RASGRF1: variants seen among roughly 807,000 people sequenced by gnomAD.
The protein encoded by RASGRF1 is ras-specific guanine nucleotide-releasing factor 1.
In RASGRF1, 40 loss-of-function variants were observed where a neutral mutation model predicts 138.7. That is an observed-to-expected ratio of 0.29 (90% CI 0.22 to 0.38). The LOEUF is 0.38. Among genes scored for constraint, RASGRF1 ranks in the 10% least tolerant of loss-of-function variants. The pLI is 1.00. For missense variants in RASGRF1, 1,108 were observed against 1,650.4 expected (o/e 0.67, Z 5.69); for synonymous variants, 614 against 663.2 (o/e 0.93, Z 1.14).
In RASGRF1 at chr15:78,961,906, G is replaced by GA. The variant is rs2055550150; in HGVS notation, c.*237dup. On this transcript the variant is annotated 3_prime_UTR_variant, in exon 27 of 27. Coordinates refer to ENST00000558480, the MANE Select transcript of RASGRF1 (RefSeq NM_001145648.3). Reference sequence around the variant, plus strand: ...GAGGAGTCTAGGGAAGAGGGACCAAGAGTACAGCTGTTTAAAAGAAACAGG... The same window carrying GA: ...GAGGAGTCTAGGGAAGAGGGACCAAGAAGTACAGCTGTTTAAAAGAAACAGG... 2.1e-6 allele frequency: 1 copy of GA among 466,668 alleles called. No homozygotes were observed. Among genetic ancestry groups the GA allele is most frequent in the Non-Finnish European group, 3.9e-6 (1 of 258,122 alleles). The allele number at this position is 466,668 out of a possible 1,614,324, so 28.9% of individuals were successfully genotyped here. A position where few individuals can be genotyped will look rare whatever the true frequency, so the allele number is the denominator to read the frequency against.
intron 10 of RASGRF1, among the ~76,000 whole-genome samples, chr15:79,024,787 T>C (rs1485201605): frequency 6.6e-6 from 1 of 152,192 alleles, no homozygotes; most frequent in East Asian, 1.9e-4. Context: ...TTTTTCTTTG[T>C]AAATTACCCA....
Position 79,004,075 on chromosome 15 carries a change from G to A in RASGRF1, c.2176C>T (p.Pro726Ser), listed in dbSNP as rs2056612615. 2 of 1,614,024 alleles carry A rather than the reference G, an allele frequency of 1.2e-6. No individual in the cohort carries two copies. Among genetic ancestry groups the A allele is most frequent in the East Asian group, 2.2e-5 (1 of 44,900 alleles). Residue 726 changes from proline (P) to serine (S), a missense_variant, in exon 15 of 27, where the codon CCT becomes TCT. Physicochemically the swap from Pro to Ser is moderately conservative, Grantham distance 74 (BLOSUM62 -1). This residue lies in a region of RASGRF1 where 686 missense variants were observed against 976.7 expected (regional missense o/e 0.70). Transcript: ENST00000558480. ...GACGATGTCTTGGTGATGGACAGAG[G>A]TGGCGGCGAGGAGAACTTGCGGGTG... ...RATRKFSSPPPLSITKTSSPS... is the reference protein window; with the variant it reads ...RATRKFSSPPSLSITKTSSPS...
chr15:78,995,153 T>G (rs1211152391), intron 20 of RASGRF1, among the ~76,000 whole-genome samples: 3 of 152,110 alleles, frequency 2.0e-5, no homozygotes, highest in African/African-American at 7.2e-5. Context: ...GATCTTGAAC[T>G]CCTGACCTTA....
intron 8 of RASGRF1, among the ~76,000 whole-genome samples, chr15:79,030,623 C>T (rs1253348743): frequency 1.3e-5 from 2 of 152,208 alleles, no homozygotes; most frequent in Admixed American, 1.3e-4. Flanking sequence ...CCTGTCCCTC[C>T]TGCAGTTTTC....
chr15:78,972,629 C>G (rs1182043183), intron 25 of RASGRF1, among the ~76,000 whole-genome samples: 1 of 152,114 alleles, frequency 6.6e-6, no homozygotes, highest in African/African-American at 2.4e-5. Context: ...GCAGCTTTCG[C>G]TCTTCAGGAT....
intron 5 of RASGRF1, among the ~76,000 whole-genome samples, chr15:79,038,820 A>C (rs1394331971): frequency 6.6e-6 from 1 of 152,182 alleles, no homozygotes; most frequent in East Asian, 1.9e-4. Context: ...AACTGCTTAC[A>C]TACTCACATA....
intron 1 of RASGRF1, among the ~76,000 whole-genome samples, chr15:79,078,006 A>C (rs1249860328): frequency 6.6e-6 from 1 of 152,044 alleles, no homozygotes; most frequent in African/African-American, 2.4e-5. Flanking sequence ...AGCTCTCCCC[A>C]GCTGGGTCCT....
chr15:78,960,378 G>T lies in RASGRF1; in HGVS notation c.*1766C>A, dbSNP rs539373428. On this transcript the variant is annotated 3_prime_UTR_variant, in exon 27 of 27. Transcript: ENST00000558480. The stretch of plus-strand genomic sequence containing the variant: ...ACACATCTGGGCAGGATGGCATCTG[G>T]GCAGCCTTGTAGCTTCTGCCTGAGG... The T allele has an allele frequency of 6.6e-6, 1 of 152,480 alleles. No individual in the cohort carries two copies. The highest frequency in any genetic ancestry group is 2.4e-5 in the African/African-American group (1 of 41,564). 9.4% of individuals were successfully genotyped at this position (152,480 alleles called of 1,614,324 possible). A position where few individuals can be genotyped will look rare whatever the true frequency, so the allele number is the denominator to read the frequency against.
chr15:79,019,975 T>C, intron 11 of RASGRF1, 66 bp downstream of exon 11: 1 of 1,587,238 alleles, frequency 6.3e-7, no homozygotes, highest in Non-Finnish European at 8.6e-7. Flanking sequence ...TGGCCCAACC[T>C]TTAGGAGTGA....
In RASGRF1 at chr15:78,998,845, AGG is replaced by A. The variant is rs1423442473; in HGVS notation, c.2747-22_2747-21del. On this transcript the variant is annotated intron_variant, in intron 17 of 26. Transcript: ENST00000558480. ...GAAACCCTGGCAGCATGCGTGGCAG[AGG>A]GGAGAGAGGACAGGTGAGGACAAGA... is the stretch of plus-strand genomic sequence containing the variant. 5.1e-6 allele frequency: 8 copies of A among 1,573,330 alleles called. No homozygotes were observed. Among genetic ancestry groups the A allele is most frequent in the Admixed American group, 1.7e-5 (1 of 59,940 alleles).
At chr15:78,978,117 T>C in intron 24 of RASGRF1, among the ~76,000 whole-genome samples, 1 of 151,946 alleles carries the variant, frequency 6.6e-6, no homozygotes, top group East Asian at 1.9e-4. Flanking sequence ...AGTGGGGTGT[T>C]TGGTGGTGAA....
At chr15:79,024,648 A>T (rs1763841984) in intron 10 of RASGRF1, among the ~76,000 whole-genome samples, 1 of 152,144 alleles carries the variant, frequency 6.6e-6, no homozygotes, top group Non-Finnish European at 1.5e-5. Flanking sequence ...ATAGTTTTGT[A>T]AAGGGCAGTT....
chr15:79,027,252 T>A lies in RASGRF1; in HGVS notation c.1381+489A>T, dbSNP rs56202352. Among the ~76,000 whole-genome samples the A allele has an allele frequency of 0.48, 73,602 of 151,912 alleles. 19,070 individuals carry two copies. The highest frequency in any genetic ancestry group is 0.64 in the South Asian group (3,055 of 4,790). ...CTCCCAAGGTAAGCGAGGCTGAAGC[T>A]TGGGAAAGACCTTCTACCCATGAGA... On this transcript the variant is annotated intron_variant, in intron 9 of 26. Transcript: ENST00000558480. This position sits in a 1 kb window ranked among gnomAD's most constrained non-coding sequence, Gnocchi z 4.8.
At chr15:79,070,677 G>A (rs1390792728) in intron 1 of RASGRF1, among the ~76,000 whole-genome samples, 1 of 152,208 alleles carries the variant, frequency 6.6e-6, no homozygotes, top group Non-Finnish European at 1.5e-5. Flanking sequence ...TGATTGTTGT[G>A]AGAGTCAAGT....
At position 79,058,493 on chromosome 15, in the gene RASGRF1, T is replaced by C; in HGVS notation, c.384-12A>G. ...CGAGGGTCCTGTAGCTGTGGACAGA[T>C]GGACATGGCAGGTAAGATGCTGACT... is the stretch of plus-strand genomic sequence containing the variant. On this transcript the variant is annotated splice_polypyrimidine_tract_variant and intron_variant, in intron 2 of 26. Coordinates refer to ENST00000558480, the MANE Select transcript of RASGRF1 (RefSeq NM_001145648.3). The C allele has an allele frequency of 1.2e-6, 2 of 1,613,156 alleles. No individual in the cohort carries two copies. The highest frequency in any genetic ancestry group is 1.1e-5 in the South Asian group (1 of 91,060).
chr15:79,048,953 C>T (rs190730542), intron 4 of RASGRF1, among the ~76,000 whole-genome samples: 1 of 152,354 alleles, frequency 6.6e-6, no homozygotes, highest in East Asian at 1.9e-4. Context: ...TATGTCACTA[C>T]CTGGCCACTG....
intron 3 of RASGRF1, 35 bp from the exon 4 acceptor site, chr15:79,049,623 G>A (rs373753808): frequency 5.9e-5 from 93 of 1,574,486 alleles, no homozygotes; most frequent in Admixed American, 2.1e-4. Flanking sequence ...TGTGAGGGGC[G>A]CTGGCTCACA....
intron 9 of RASGRF1, among the ~76,000 whole-genome samples, chr15:79,026,943 C>A (rs966838117): frequency 3.3e-5 from 5 of 152,224 alleles, no homozygotes; most frequent in Middle Eastern, 3.4e-3. Context: ...GGACAAAACT[C>A]CGAAAAGGTG....
At chr15:78,981,993 C>T (rs1453760993) in intron 23 of RASGRF1, among the ~76,000 whole-genome samples, 1 of 152,190 alleles carries the variant, frequency 6.6e-6, no homozygotes, top group East Asian at 1.9e-4. Flanking sequence ...AGAGGAATGA[C>T]CTGATACGGC....
Sources: gnomAD v4.1 joint callset for allele counts (sites outside exome capture counted in the v4.1 genomes callset) on GRCh38, gnomAD v4.1.1 for gene constraint, gnomAD v4.1.1 regional missense constraint, Gnocchi (gnomAD v3.1) non-coding constraint, MANE v1.5 for transcripts, NCBI Gene and HGNC (gene_info 2026-07-23, HGNC 2026-07-21) for gene names.